Variants in CFAP299 observed in about 807,000 individuals in gnomAD.
CFAP299 encodes cilia and flagella associated protein 299, also known as cilia- and flagella-associated protein 299.
In CFAP299, 21 loss-of-function variants were observed where a neutral mutation model predicts 27.0. That is an observed-to-expected ratio of 0.78 (90% confidence interval 0.55 to 1.12). The LOEUF (loss-of-function observed/expected upper bound fraction) is 1.12. CFAP299 is among the 50% of genes most tolerant of loss of function. The probability of loss-of-function intolerance (pLI) is 0.00; values close to 1 mark genes in which losing one functional copy is unlikely to be tolerated. For missense variants in CFAP299, 310 were observed against 276.6 expected, an observed-to-expected ratio of 1.12 and a Z score of -0.86; for synonymous variants, 104 against 98.1, an observed-to-expected ratio of 1.06 and a Z score of -0.36.
At chr4:80,861,171 G>A (rs577383758) in intron 3 of CFAP299, among the ~76,000 whole-genome samples, 1 of 152,318 alleles carries the variant, frequency 6.6e-6, no homozygotes, top group Non-Finnish European at 1.5e-5. Context: ...AGACTGCTAT[G>A]CTAGCAATCA....
rs148369657 is a variant in CFAP299 at position 80,873,585 on chromosome 4, A to C, written c.476+3450A>C. ...TTATTCTTACCATCAGAGAGAGGAAAAGATAAAGAGTAAACCACTTACTAA... is the reference window on the plus strand; with the variant it reads ...TTATTCTTACCATCAGAGAGAGGAACAGATAAAGAGTAAACCACTTACTAA... On this transcript the variant is annotated intron_variant, in intron 4 of 5. Coordinates refer to ENST00000358105, the MANE Select transcript of CFAP299 (RefSeq NM_152770.3). 4.1e-3 allele frequency among the ~76,000 whole-genome samples: 628 copies of C among 152,302 alleles called. 5 individuals carry two copies. The highest frequency in any genetic ancestry group is 5.8e-3 in the Non-Finnish European group (393 of 68,010).
chr4:80,410,053 T>C (rs1371449778), intron 2 of CFAP299, among the ~76,000 whole-genome samples: 1 of 152,166 alleles, frequency 6.6e-6, no homozygotes, highest in Admixed American at 6.5e-5. Flanking sequence ...CAGAAGTGTT[T>C]AACTTGGAGA....
intron 4 of CFAP299, among the ~76,000 whole-genome samples, chr4:80,895,323 A>G (rs1369853514): frequency 6.6e-6 from 1 of 151,780 alleles, no homozygotes; most frequent in Non-Finnish European, 1.5e-5. Context: ...TTTGTCATTT[A>G]TGCCTCAAAA....
At position 80,580,636 on chromosome 4, in the gene CFAP299, C is replaced by A. The variant is rs112097853; in HGVS notation, c.243-2457C>A. On this transcript the variant is annotated intron_variant, in intron 2 of 5. Transcript: ENST00000358105. ...TACTATCAGAATTTGCTCAGAAATTCTTTTCTTTCCTGCTCTTATTTTCTG... is the reference window on the plus strand; with the variant it reads ...TACTATCAGAATTTGCTCAGAAATTATTTTCTTTCCTGCTCTTATTTTCTG... Among the ~76,000 whole-genome samples the A allele has an allele frequency of 3.0e-3, 456 of 152,108 alleles. 2 individuals are homozygous for A. The highest frequency in any genetic ancestry group is 0.01 in the African/African-American group (431 of 41,540).
At chr4:80,800,255 ATT>A (rs1491120184) in intron 3 of CFAP299, among the ~76,000 whole-genome samples, 4 of 74,856 alleles carry the variant, frequency 5.3e-5, no homozygotes, top group African/African-American at 2.2e-4. Context: ...TATAATATAT[ATT>A]ATATAAATAA....
intron 2 of CFAP299, among the ~76,000 whole-genome samples, chr4:80,581,438 A>G (rs1309332313): frequency 7.9e-6 from 1 of 127,074 alleles, no homozygotes; most frequent in Non-Finnish European, 1.6e-5. Flanking sequence ...TGATATATAT[A>G]TAGATATTAA....
At chr4:80,428,871 T>C (rs550154198) in intron 2 of CFAP299, among the ~76,000 whole-genome samples, 5 of 152,154 alleles carry the variant, frequency 3.3e-5, no homozygotes, top group Non-Finnish European at 5.9e-5. Context: ...AAAACATGAA[T>C]AGAGGTAAAC....
intron 2 of CFAP299, among the ~76,000 whole-genome samples, chr4:80,565,087 A>T (rs1044916600): frequency 6.6e-6 from 1 of 152,038 alleles, no homozygotes. Flanking sequence ...ATAATATTGA[A>T]CACAATAAAA....
intron 3 of CFAP299, among the ~76,000 whole-genome samples, chr4:80,695,155 T>C (rs189678432): frequency 2.6e-5 from 4 of 152,342 alleles, no homozygotes; most frequent in Admixed American, 2.6e-4. Flanking sequence ...TATTTCTATA[T>C]TAAGTCCACA....
At chr4:80,463,015 G>A (rs1447471100) in intron 2 of CFAP299, among the ~76,000 whole-genome samples, 2 of 152,130 alleles carry the variant, frequency 1.3e-5, no homozygotes, top group Non-Finnish European at 2.9e-5. Flanking sequence ...ACTGAAAGTA[G>A]AATGAGAACT....
intron 2 of CFAP299, among the ~76,000 whole-genome samples, chr4:80,393,072 T>C (rs917314348): frequency 6.6e-6 from 1 of 152,168 alleles, no homozygotes; most frequent in Non-Finnish European, 1.5e-5. Flanking sequence ...ATCCTGACCC[T>C]GTGTAGGCTT....
At chr4:80,793,776 A>T (rs1416073159) in intron 3 of CFAP299, among the ~76,000 whole-genome samples, 1 of 152,202 alleles carries the variant, frequency 6.6e-6, no homozygotes, top group Admixed American at 6.5e-5. Context: ...ACAAGTGTAT[A>T]CATGCACAAA....
chr4:80,360,963 C>T (rs1349632052), intron 1 of CFAP299, among the ~76,000 whole-genome samples: 1 of 152,128 alleles, frequency 6.6e-6, no homozygotes, highest in Non-Finnish European at 1.5e-5. Context: ...TAAGCCAAAT[C>T]CCCCAAGCAA....
At chr4:80,877,457 T>C (rs1578206152) in intron 4 of CFAP299, among the ~76,000 whole-genome samples, 1 of 152,160 alleles carries the variant, frequency 6.6e-6, no homozygotes, top group Non-Finnish European at 1.5e-5. Flanking sequence ...CACAGTTTGG[T>C]CCATTGCTTT....
chr4:80,798,462 C>G (rs1042385603), intron 3 of CFAP299, among the ~76,000 whole-genome samples: 1 of 152,114 alleles, frequency 6.6e-6, no homozygotes, highest in Non-Finnish European at 1.5e-5. Flanking sequence ...CCACACATCC[C>G]CATTCCATGT....
intron 3 of CFAP299, among the ~76,000 whole-genome samples, chr4:80,617,136 T>C (rs1738332032): frequency 6.6e-6 from 1 of 152,074 alleles, no homozygotes; most frequent in Non-Finnish European, 1.5e-5. Flanking sequence ...AAAAGACAGG[T>C]GGTTCATCAT....
chr4:80,749,866 C>T (rs1237246517), intron 3 of CFAP299, among the ~76,000 whole-genome samples: 1 of 152,202 alleles, frequency 6.6e-6, no homozygotes, highest in Non-Finnish European at 1.5e-5. Context: ...TCTCCTTTGG[C>T]AACACCCTCA....
chr4:80,611,881 A>G (rs1025991278), intron 3 of CFAP299, among the ~76,000 whole-genome samples: 1 of 152,100 alleles, frequency 6.6e-6, no homozygotes. Flanking sequence ...CACTGTCCCA[A>G]GCAGAGAATT....
intron 2 of CFAP299, chr4:80,387,916 A>T: frequency 3.5e-6 from 3 of 869,360 alleles, no homozygotes; most frequent in Non-Finnish European, 5.8e-6. Flanking sequence ...GGCACTGGTC[A>T]TGGGGCAGCA....
Sources: gnomAD v4.1 joint callset for allele counts (sites outside exome capture counted in the v4.1 genomes callset) on GRCh38, gnomAD v4.1.1 for gene constraint, MANE v1.5 for transcripts, NCBI Gene and HGNC (gene_info 2026-07-23, HGNC 2026-07-21) for gene names.